Variants in MYH8 observed in about 807,000 individuals in gnomAD.
The protein encoded by MYH8 is myosin heavy chain 8.
MYH8 carries 168 observed loss-of-function variants against 233.2 expected under a neutral mutation model. The observed-to-expected ratio is 0.72, with a 90% CI of 0.64 to 0.82. The LOEUF (loss-of-function observed/expected upper bound fraction) is 0.82, where lower values mean the gene tolerates loss of function less well. MYH8 is among the 40% of genes least tolerant of loss of function. The probability of loss-of-function intolerance (pLI) is 0.00; values close to 1 mark genes in which losing one functional copy is unlikely to be tolerated. For missense variants in MYH8, 1,995 were observed against 2,327.8 expected, an observed-to-expected ratio of 0.86 and a Z score of 2.94; for synonymous variants, 785 against 850.6, an observed-to-expected ratio of 0.92 and a Z score of 1.34.
intron 2 of MYH8, 94 bp from the exon 3 acceptor site, chr17:10,420,351 T>TG (rs2072327073): frequency 8.6e-7 from 1 of 1,169,402 alleles, no homozygotes; most frequent in African/African-American, 1.5e-5. Flanking sequence ...GAACATAGCC[T>TG]GTGCTGTAAC....
chr17:10,415,847 C>G lies in MYH8; in HGVS notation c.512-139G>C. ...TTGGTTTTGATTTTGTGTTTATCCT[C>G]CAAAATAGCCAATTGCTTCTCAGTG... is the stretch of plus-strand genomic sequence containing the variant. On this transcript the variant is annotated intron_variant, in intron 5 of 39. Coordinates refer to ENST00000403437, the MANE Select transcript of MYH8 (RefSeq NM_002472.3). This position sits in a 1 kb window ranked among gnomAD's most constrained non-coding sequence, Gnocchi z 4.1. The G allele has an allele frequency of 1.1e-6, 1 of 884,318 alleles. No homozygotes were observed. Among genetic ancestry groups the G allele is most frequent in the South Asian group, 1.6e-5 (1 of 63,230 alleles). The allele number at this position is 884,318 out of a possible 1,614,324, so 54.8% of individuals were successfully genotyped here.
intron 12 of MYH8, 140 bp downstream of exon 12, chr17:10,413,761 AG>A: frequency 8.2e-7 from 1 of 1,224,454 alleles, no homozygotes; most frequent in South Asian, 1.3e-5. Context: ...AGAGGGGGTG[AG>A]GAAAGCATGC....
Position 10,400,783 on chromosome 17 carries a change from G to A in MYH8, c.3346-4C>T. ...CCCCCAGCTCCTCAATGCGGGCCTGGGAATGAAAGAAGCACATAAACATAA... is the reference window on the plus strand; with the variant it reads ...CCCCCAGCTCCTCAATGCGGGCCTGAGAATGAAAGAAGCACATAAACATAA... On this transcript the variant is annotated splice_region_variant and splice_polypyrimidine_tract_variant and intron_variant, in intron 26 of 39. Transcript: ENST00000403437. The surrounding 1 kb of genome is among the most constrained non-coding windows in gnomAD (Gnocchi z 4.0). The A allele has an allele frequency of 6.2e-7, 1 of 1,614,044 alleles. No homozygotes were observed. Among genetic ancestry groups the A allele is most frequent in the Non-Finnish European group, 8.5e-7 (1 of 1,180,034 alleles).
Position 10,393,329 on chromosome 17 carries a change from A to C in MYH8, c.5167-119T>G. On this transcript the variant is annotated intron_variant, in intron 35 of 39. Transcript: ENST00000403437. ...GCTGGCAACATTTCACTAAACTTTA[A>C]TTATTTGTTCAGTGGAAAATGTTAA... 3 of 1,349,952 alleles carry C rather than the reference A, an allele frequency of 2.2e-6. No individual in the cohort carries two copies. The East Asian group carries it at 6.9e-5, about 31-fold the overall frequency. 83.6% of individuals were successfully genotyped at this position (1,349,952 alleles called of 1,614,324 possible).
At position 10,390,645 on chromosome 17, in the gene MYH8, T is replaced by C; in HGVS notation, c.5665-42A>G. The C allele has an allele frequency of 3.1e-6, 5 of 1,602,704 alleles. No individual in the cohort carries two copies. In the South Asian group the frequency reaches 5.5e-5, roughly 18 times the overall value. On this transcript the variant is annotated intron_variant, in intron 39 of 39. Coordinates refer to ENST00000403437, the MANE Select transcript of MYH8 (RefSeq NM_002472.3). ...AATTGTGAGAATTAGACTGTGTGGT[T>C]CTCATTGCACTTATCACCAGACAGG...
intron 30 of MYH8, among the ~76,000 whole-genome samples, chr17:10,398,136 G>A (rs753647024): frequency 1.3e-5 from 2 of 152,130 alleles, no homozygotes; most frequent in Non-Finnish European, 2.9e-5. Flanking sequence ...AAGAAGGTGG[G>A]CTGTAGAATC....
intron 2 of MYH8, among the ~76,000 whole-genome samples, chr17:10,420,853 A>G (rs1027464863): frequency 3.9e-5 from 6 of 152,220 alleles, no homozygotes; most frequent in Non-Finnish European, 5.9e-5. Context: ...GGTTGTTCCC[A>G]ACAGACTTAG....
At chr17:10,411,666 A>G (rs2072245790) in intron 14 of MYH8, among the ~76,000 whole-genome samples, 1 of 152,196 alleles carries the variant, frequency 6.6e-6, no homozygotes, top group Admixed American at 6.5e-5. Flanking sequence ...CTGTTACATT[A>G]TTAAGGAAAG....
chr17:10,401,722 G>A lies in MYH8; in HGVS notation c.2752C>T (p.Leu918Phe), dbSNP rs772036029. ...GTCACCTCTTTGATTTTGGCCTCAA[G>A]TTGGATTTTGTTTTTAATCAGTTGC... ...CEQLIKNKIQ[L>F]EAKIKEVTER... Residue 918 changes from leucine (L) to phenylalanine (F), a missense_variant, in exon 23 of 40, where the codon CTT becomes TTT. Leu to Phe is a conservative substitution (Grantham distance 22, BLOSUM62 0). Transcript: ENST00000403437. The A allele has an allele frequency of 5.0e-6, 8 of 1,614,006 alleles. No individual in the cohort carries two copies. The highest frequency in any genetic ancestry group is 1.6e-4 in the Middle Eastern group (1 of 6,084).
chr17:10,392,443 C>T (rs1248141172), intron 38 of MYH8, 99 bp downstream of exon 38: 8 of 1,068,268 alleles, frequency 7.5e-6, no homozygotes, highest in Admixed American at 5.1e-5. Context: ...CAAGTTAATG[C>T]GTATTTGTTT....
In MYH8 at chr17:10,401,785, C is replaced by T. The variant is rs1256915000; in HGVS notation, c.2689G>A (p.Glu897Lys). The T allele has an allele frequency of 2.5e-6, 4 of 1,614,018 alleles. No individual in the cohort carries two copies. Among genetic ancestry groups the T allele is most frequent in the African/African-American group, 2.7e-5 (2 of 74,934 alleles). The change falls in exon 23 of 40, where the codon GAA (glutamate) becomes AAA (lysine). Residue 897 changes from glutamate (E) to lysine (K), a missense_variant and splice_region_variant. Around this residue, in one of 3 missense-constraint regions of MYH8, gnomAD observed 1,498 missense variants for 1,680.9 expected, o/e 0.89. Coordinates refer to ENST00000403437, the MANE Select transcript of MYH8 (RefSeq NM_002472.3). ...KNDLQLQVQS[E>K]ADSLADAEER... ...TCTGCATCAGCCAAGCTATCTGCTT[C>T]CTATGGAGAGATTCATTCAGATACT...
chr17:10,413,756 G>C (rs1055051653), intron 12 of MYH8, 146 bp downstream of exon 12: 1 of 1,176,376 alleles, frequency 8.5e-7, no homozygotes, highest in Non-Finnish European at 1.2e-6. Flanking sequence ...GGAAGAGAGG[G>C]GGTGAGGAAA....
At chr17:10,394,992 G>A (rs746583405) in intron 34 of MYH8, 141 bp downstream of exon 34, 10 of 887,698 alleles carry the variant, frequency 1.1e-5, no homozygotes, top group Admixed American at 7.5e-5. Context: ...TATGTTCTAT[G>A]TGTATTTAAT....
chr17:10,390,720 C>G, intron 39 of MYH8, 117 bp from the exon 40 acceptor site: 2 of 1,187,690 alleles, frequency 1.7e-6, no homozygotes, highest in Non-Finnish European at 2.5e-6. Flanking sequence ...TTTAGCATAT[C>G]CGACTTTAAA....
chr17:10,403,152 C>T (rs919973440), intron 22 of MYH8, among the ~76,000 whole-genome samples: 2 of 152,120 alleles, frequency 1.3e-5, no homozygotes, highest in Admixed American at 1.3e-4. Context: ...ATGTTATGAA[C>T]CTAGATTTAC....
At position 10,415,310 on chromosome 17, in the gene MYH8, A is replaced by T. The variant is rs760998000; in HGVS notation, c.723T>A (p.Asn241Lys). 11 of 1,613,974 alleles carry T rather than the reference A, an allele frequency of 6.8e-6. No homozygotes were observed. Among genetic ancestry groups the T allele is most frequent in the Non-Finnish European group, 7.6e-6 (9 of 1,179,906 alleles). ...GACTCACAAAGCGAGAGGAGTTGTC[A>T]TTCCTCACAGTTTTGGCATTGCCAA... The part of the protein sequence containing the change: ...EAFGNAKTVR[N>K]DNSSRFGKFI... Residue 241 changes from asparagine (N) to lysine (K), a missense_variant, in exon 8 of 40, where the codon AAT (asparagine) becomes AAA (lysine). Asn to Lys is a moderately conservative substitution (Grantham distance 94, BLOSUM62 0). Transcript: ENST00000403437. The surrounding 1 kb of genome is among the most constrained non-coding windows in gnomAD (Gnocchi z 4.1).
intron 5 of MYH8, among the ~76,000 whole-genome samples, chr17:10,418,044 A>G (rs1313920093): frequency 6.6e-6 from 1 of 152,234 alleles, no homozygotes; most frequent in East Asian, 1.9e-4. Context: ...TTATGCCTTG[A>G]TAAGGCAGGA....
At chr17:10,413,375 G>A (rs148780274) in intron 12 of MYH8, among the ~76,000 whole-genome samples, 189 of 152,224 alleles carry the variant, frequency 1.2e-3, no homozygotes, top group African/African-American at 3.4e-3. Flanking sequence ...TGTATATTGC[G>A]TGCTCTTTCC....
chr17:10,409,596 C>T lies in MYH8; in HGVS notation c.1588-8G>A, dbSNP rs193040148. 1.2e-5 allele frequency: 19 copies of T among 1,614,122 alleles called. No homozygotes were observed. The highest frequency in any genetic ancestry group is 6.7e-5 in the Admixed American group (4 of 60,020). The stretch of plus-strand genomic sequence containing the variant: ...GGAGAAGATGCCCAGTGGCTGAATT[C>T]AGAAAAGTAACATTGGTGTCAACCT... On this transcript the variant is annotated splice_region_variant and splice_polypyrimidine_tract_variant and intron_variant, in intron 15 of 39. Transcript: ENST00000403437.
Sources: gnomAD v4.1 joint callset for allele counts (sites outside exome capture counted in the v4.1 genomes callset) on GRCh38, gnomAD v4.1.1 for gene constraint, gnomAD v4.1.1 regional missense constraint, Gnocchi (gnomAD v3.1) non-coding constraint, MANE v1.5 for transcripts, NCBI Gene and HGNC (gene_info 2026-07-23, HGNC 2026-07-21) for gene names.